LRRTM4: variants seen among roughly 807,000 people sequenced by gnomAD.
LRRTM4 encodes the protein leucine-rich repeat transmembrane neuronal protein 4.
In LRRTM4, 25 loss-of-function variants were observed where a neutral mutation model predicts 47.6. The observed-to-expected ratio is 0.53, with a 90% confidence interval of 0.38 to 0.73. The LOEUF (loss-of-function observed/expected upper bound fraction) is 0.73. Ranked by LOEUF, LRRTM4 falls within the 30% of genes least tolerant of loss-of-function variation. The probability of loss-of-function intolerance (pLI) is 0.00; values close to 1 mark genes in which losing one functional copy is unlikely to be tolerated. For synonymous variants in LRRTM4, 311 were observed against 269.5 expected (o/e 1.15, Z -1.51); for missense variants, 638 against 713.4 (o/e 0.89, Z 1.20).
intron 3 of LRRTM4, among the ~76,000 whole-genome samples, chr2:76,781,927 C>G (rs919493189): frequency 2.0e-5 from 3 of 152,228 alleles, no homozygotes; most frequent in African/African-American, 7.2e-5. Flanking sequence ...TCATCAGAAG[C>G]TGCTTCTGCT....
intron 3 of LRRTM4, among the ~76,000 whole-genome samples, chr2:77,000,101 G>T (rs548165231): frequency 6.6e-6 from 1 of 152,254 alleles, no homozygotes; most frequent in African/African-American, 2.4e-5. Context: ...TGGACTTGAT[G>T]AATTGACAAA....
At chr2:76,757,438 G>C (rs201779495) in intron 3 of LRRTM4, among the ~76,000 whole-genome samples, 1 of 152,060 alleles carries the variant, frequency 6.6e-6, no homozygotes, top group Non-Finnish European at 1.5e-5. Flanking sequence ...TAATGAATGA[G>C]GTACTAGCCA....
At chr2:76,965,218 CA>C (rs1439419615) in intron 3 of LRRTM4, among the ~76,000 whole-genome samples, 1 of 151,024 alleles carries the variant, frequency 6.6e-6, no homozygotes, top group African/African-American at 2.4e-5. Flanking sequence ...ACCCTACCAG[CA>C]AAAACAAATT....
intron 3 of LRRTM4, among the ~76,000 whole-genome samples, chr2:77,270,402 G>A (rs1196530587): frequency 6.6e-6 from 1 of 152,104 alleles, no homozygotes; most frequent in Non-Finnish European, 1.5e-5. Context: ...TGAAAATAAG[G>A]TTACCCTTGC....
chr2:76,755,326 AC>A (rs1672989640), intron 3 of LRRTM4, among the ~76,000 whole-genome samples: 1 of 152,176 alleles, frequency 6.6e-6, no homozygotes, highest in Non-Finnish European at 1.5e-5. Flanking sequence ...AACTTATTTT[AC>A]AACACTATTT....
intron 3 of LRRTM4, among the ~76,000 whole-genome samples, chr2:77,419,779 A>C (rs1343329853): frequency 6.6e-6 from 1 of 152,142 alleles, no homozygotes; most frequent in Non-Finnish European, 1.5e-5. Context: ...AAAAGCATAT[A>C]ATATTTTATA....
chr2:76,773,471 G>A (rs991305728), intron 3 of LRRTM4, among the ~76,000 whole-genome samples: 1 of 152,098 alleles, frequency 6.6e-6, no homozygotes, highest in African/African-American at 2.4e-5. Context: ...AGTATATTAT[G>A]CAGTATATAT....
At chr2:76,930,593 T>C (rs575890959) in intron 3 of LRRTM4, among the ~76,000 whole-genome samples, 68 of 152,260 alleles carry the variant, frequency 4.5e-4, no homozygotes, top group African/African-American at 1.3e-3. Flanking sequence ...TTCTTCAAAA[T>C]AGTTGGACAG....
At chr2:77,009,318 T>C (rs891635711) in intron 3 of LRRTM4, 1 of 152,248 alleles carries the variant, frequency 6.6e-6, no homozygotes, top group Non-Finnish European at 1.5e-5. Context: ...TGTAGCATTA[T>C]TTTGTTTACC....
At chr2:76,913,163 T>C (rs1356174618) in intron 3 of LRRTM4, among the ~76,000 whole-genome samples, 3 of 152,230 alleles carry the variant, frequency 2.0e-5, no homozygotes, top group Non-Finnish European at 4.4e-5. Flanking sequence ...CTGCTTTGCT[T>C]GTCCATAATC....
intron 3 of LRRTM4, among the ~76,000 whole-genome samples, chr2:76,900,886 T>A (rs1351770538): frequency 2.6e-5 from 4 of 152,168 alleles, no homozygotes; most frequent in East Asian, 3.9e-4. Context: ...TGAATAATGT[T>A]GATTAGAAGT....
At chr2:77,468,200 C>T (rs1677052360) in intron 3 of LRRTM4, among the ~76,000 whole-genome samples, 2 of 152,066 alleles carry the variant, frequency 1.3e-5, no homozygotes, top group African/African-American at 4.8e-5. Context: ...AGAATGACGT[C>T]TTCATCAAAA....
intron 3 of LRRTM4, among the ~76,000 whole-genome samples, chr2:77,005,314 T>G (rs1677601206): frequency 6.6e-6 from 1 of 152,048 alleles, no homozygotes; most frequent in African/African-American, 2.4e-5. Flanking sequence ...CCAGCTAACT[T>G]TTGTAATTTT....
intron 3 of LRRTM4, among the ~76,000 whole-genome samples, chr2:77,323,325 G>C (rs775533271): frequency 3.3e-5 from 5 of 152,122 alleles, no homozygotes; most frequent in Non-Finnish European, 7.4e-5. Context: ...GCCATCTTGA[G>C]AACGTAATGG....
chr2:77,486,633 A>C (rs1677920904), intron 3 of LRRTM4, among the ~76,000 whole-genome samples: 1 of 152,244 alleles, frequency 6.6e-6, no homozygotes, highest in Non-Finnish European at 1.5e-5. Context: ...TTTAGCATAT[A>C]ATGAATGCAC....
chr2:77,355,952 G>A (rs990786772), intron 3 of LRRTM4, among the ~76,000 whole-genome samples: 1 of 152,164 alleles, frequency 6.6e-6, no homozygotes, highest in Non-Finnish European at 1.5e-5. Context: ...AATTAGCTGG[G>A]CATTATGGCA....
At chr2:77,426,131 A>C (rs952643589) in intron 3 of LRRTM4, among the ~76,000 whole-genome samples, 1 of 151,512 alleles carries the variant, frequency 6.6e-6, no homozygotes. Flanking sequence ...AAAAAAAAAA[A>C]GTCATCCCTG....
At chr2:76,969,921 G>A (rs1032533981) in intron 3 of LRRTM4, among the ~76,000 whole-genome samples, 98 of 151,904 alleles carry the variant, frequency 6.5e-4, no homozygotes, top group Non-Finnish European at 1.4e-3. Context: ...ATCCCTCATG[G>A]TCTGTGTCTT....
At chr2:76,795,458 A>C (rs949393244) in intron 3 of LRRTM4, among the ~76,000 whole-genome samples, 6 of 152,196 alleles carry the variant, frequency 3.9e-5, no homozygotes, top group African/African-American at 1.4e-4. Context: ...TGTAATGACT[A>C]TATACACAGA....
Sources: gnomAD v4.1 joint callset for allele counts (sites outside exome capture counted in the v4.1 genomes callset) on GRCh38, gnomAD v4.1.1 for gene constraint, MANE v1.5 for transcripts, NCBI Gene and HGNC (gene_info 2026-07-23, HGNC 2026-07-21) for gene names.